Variants in SLC10A7 observed in about 807,000 individuals in gnomAD.
SLC10A7 encodes sodium/bile acid cotransporter 7.
A neutral mutation model predicts 43.2 loss-of-function variants in SLC10A7; 29 were observed. The ratio of observed to expected loss-of-function variants is 0.67; its 90% CI spans 0.50 to 0.92. SLC10A7 has a LOEUF of 0.92. Among genes scored for constraint, SLC10A7 ranks in the 40% least tolerant of loss-of-function variants. The pLI is 0.00. For synonymous variants in SLC10A7, 152 were observed against 144.8 expected (o/e 1.05, Z -0.35); for missense variants, 295 against 403.2 (o/e 0.73, Z 2.30).
chr4:146,414,612 T>A (rs1728440538), intron 5 of SLC10A7, among the ~76,000 whole-genome samples: 1 of 151,760 alleles, frequency 6.6e-6, no homozygotes, highest in Non-Finnish European at 1.5e-5. Context: ...TAATCCCAGC[T>A]ACTCAGGAGG....
At chr4:146,471,282 A>C (rs1251929767) in intron 4 of SLC10A7, among the ~76,000 whole-genome samples, 2 of 152,182 alleles carry the variant, frequency 1.3e-5, no homozygotes, top group Non-Finnish European at 2.9e-5. Flanking sequence ...GACAGTCGAA[A>C]ACTTTCCTAA....
At chr4:146,362,445 A>G (rs2149765573) in intron 5 of SLC10A7, among the ~76,000 whole-genome samples, 1 of 152,278 alleles carries the variant, frequency 6.6e-6, no homozygotes, top group South Asian at 2.1e-4. Flanking sequence ...GAGTGGGATG[A>G]CATATTCAAA....
chr4:146,350,184 G>A (rs1305113054), intron 5 of SLC10A7, among the ~76,000 whole-genome samples: 11 of 141,658 alleles, frequency 7.8e-5, no homozygotes, highest in South Asian at 4.8e-4. Flanking sequence ...CGCACCGTGC[G>A]CTAGCCGAAG....
chr4:146,326,089 AT>A, intron 5 of SLC10A7, 93 bp from the exon 6 acceptor site: 1 of 1,003,990 alleles, frequency 1.0e-6, no homozygotes, highest in South Asian at 1.5e-5. Context: ...AGGAGTGCTT[AT>A]CTTCTCACTG....
At chr4:146,322,097 A>T (rs1433584239) in intron 6 of SLC10A7, among the ~76,000 whole-genome samples, 3 of 152,132 alleles carry the variant, frequency 2.0e-5, no homozygotes, top group Non-Finnish European at 4.4e-5. Flanking sequence ...CATTACAACT[A>T]AAGTTCATGA....
chr4:146,309,983 T>C (rs1485788719), intron 6 of SLC10A7, among the ~76,000 whole-genome samples: 1 of 152,056 alleles, frequency 6.6e-6, no homozygotes, highest in Non-Finnish European at 1.5e-5. Context: ...CCCTCCCCAC[T>C]CTATTAGTCC....
chr4:146,258,030 T>A (rs1432662695), intron 11 of SLC10A7, among the ~76,000 whole-genome samples: 2 of 151,904 alleles, frequency 1.3e-5, no homozygotes, highest in African/African-American at 4.8e-5. Context: ...TGGGAAGGAG[T>A]CAGTTCTATC....
At chr4:146,377,387 T>C (rs1190710458) in intron 5 of SLC10A7, among the ~76,000 whole-genome samples, 3 of 152,162 alleles carry the variant, frequency 2.0e-5, no homozygotes, top group Non-Finnish European at 2.9e-5. Flanking sequence ...CATCTGTGGA[T>C]GGCAGCTGCT....
intron 5 of SLC10A7, among the ~76,000 whole-genome samples, chr4:146,394,879 A>G (rs1208322939): frequency 2.0e-5 from 3 of 152,208 alleles, no homozygotes; most frequent in Non-Finnish European, 2.9e-5. Context: ...AATAATTTCT[A>G]TTCCTAAAAA....
At chr4:146,468,945 G>C (rs1400715799) in intron 4 of SLC10A7, among the ~76,000 whole-genome samples, 1 of 152,028 alleles carries the variant, frequency 6.6e-6, no homozygotes, top group Non-Finnish European at 1.5e-5. Flanking sequence ...GTACCTTAAA[G>C]TCCTCGGGGA....
At chr4:146,266,818 C>A (rs533988671) in intron 10 of SLC10A7, among the ~76,000 whole-genome samples, 1 of 152,226 alleles carries the variant, frequency 6.6e-6, no homozygotes, top group African/African-American at 2.4e-5. Context: ...ACCTGTGTGA[C>A]CTTGGTTGGG....
In SLC10A7 at chr4:146,287,485, C is replaced by G. The variant is rs141860445; in HGVS notation, c.774-4220G>C. The stretch of plus-strand genomic sequence containing the variant: ...GGAGATTTTTCAGGTAGAGAACGGG[C>G]AAGCAGAGGCAAGTTATGTCAGAGA... On this transcript the variant is annotated intron_variant, in intron 9 of 11. Transcript: ENST00000335472. 1.4e-3 allele frequency among the ~76,000 whole-genome samples: 209 copies of G among 152,102 alleles called. 1 individual carries two copies. In the East Asian group the frequency reaches 0.036, roughly 26 times the overall value.
intron 4 of SLC10A7, among the ~76,000 whole-genome samples, chr4:146,500,245 T>C (rs986207020): frequency 1.1e-4 from 16 of 152,218 alleles, no homozygotes; most frequent in Admixed American, 2.6e-4. Context: ...AATGCATGTC[T>C]ACGCATCTCA....
chr4:146,504,046 T>A, intron 3 of SLC10A7, 122 bp from the exon 4 acceptor site: 6 of 826,902 alleles, frequency 7.3e-6, no homozygotes, highest in Middle Eastern at 2.6e-4. Context: ...TTGATGCACA[T>A]CCCCTGTTGA....
In SLC10A7 at chr4:146,405,657, C is replaced by A. The variant is rs1487482085; in HGVS notation, c.435+37126G>T. Among the ~76,000 whole-genome samples, 13 of 152,132 alleles carry A rather than the reference C, an allele frequency of 8.5e-5. No homozygotes were observed. The East Asian group carries it at 1.9e-3, about 23-fold the overall frequency. On this transcript the variant is annotated intron_variant, in intron 5 of 11. Transcript: ENST00000335472. ...TCATTCTTTTTTATCTATCTATCTG[C>A]CTGTCTACCATATATAAAATTTTGT...
At chr4:146,362,371 A>G (rs1177646268) in intron 5 of SLC10A7, among the ~76,000 whole-genome samples, 3 of 152,144 alleles carry the variant, frequency 2.0e-5, no homozygotes, top group African/African-American at 7.2e-5. Flanking sequence ...GGCAAATAAC[A>G]TATAAATGAT....
intron 5 of SLC10A7, among the ~76,000 whole-genome samples, chr4:146,432,760 C>T (rs903249007): frequency 2.0e-5 from 3 of 152,154 alleles, no homozygotes; most frequent in Admixed American, 6.5e-5. Flanking sequence ...CCTCAATAAA[C>T]CGGCCGCGGT....
chr4:146,459,031 T>C (rs1446079280), intron 4 of SLC10A7, among the ~76,000 whole-genome samples: 1 of 151,862 alleles, frequency 6.6e-6, no homozygotes, highest in Non-Finnish European at 1.5e-5. Flanking sequence ...GCAAGGTCTA[T>C]ATTGAAAAAT....
chr4:146,414,368 C>G (rs1387718813), intron 5 of SLC10A7, among the ~76,000 whole-genome samples: 1 of 152,168 alleles, frequency 6.6e-6, no homozygotes, highest in East Asian at 1.9e-4. Flanking sequence ...GGCTTTTCCA[C>G]AACCCTTCTA....
Sources: allele counts gnomAD v4.1 joint callset (sites outside exome capture counted in the v4.1 genomes callset), GRCh38; gene constraint gnomAD v4.1.1; transcripts MANE v1.5; gene names NCBI Gene and HGNC (gene_info 2026-07-23, HGNC 2026-07-21).